Variants in NXPE4 observed in about 807,000 individuals in gnomAD.
NXPE4 encodes the protein neurexophilin and PC-esterase domain family member 4.
NXPE4 carries 42 observed loss-of-function variants against 33.3 expected under a neutral mutation model. That is an observed-to-expected ratio of 1.26 (90% confidence interval 0.98 to 1.63). The LOEUF (loss-of-function observed/expected upper bound fraction) is 1.63, where lower values mean the gene tolerates loss of function less well. Ranked by LOEUF, NXPE4 falls within the 40% of genes most tolerant of loss-of-function variation. NXPE4 has a pLI of 0.00. For missense variants in NXPE4, 709 were observed against 647.6 expected (o/e 1.09, Z -1.03); for synonymous variants, 253 against 234.9 (o/e 1.08, Z -0.71).
At chr11:114,628,478 C>A in the NXPE4 span, among the ~76,000 whole-genome samples, 2 of 151,942 alleles carry the variant, frequency 1.3e-5, no homozygotes, top group African/African-American at 2.4e-5. Context: ...CCAATGAGAA[C>A]AAAGACACAA....
At chr11:114,582,233 T>A in intron 3 of NXPE4, 55 bp downstream of exon 3, 1 of 1,515,866 alleles carries the variant, frequency 6.6e-7, no homozygotes, top group Non-Finnish European at 8.8e-7. Context: ...TGGATCAGTA[T>A]ATAGGCCAAA....
At chr11:114,606,426 C>T in the NXPE4 span, among the ~76,000 whole-genome samples, 200 of 151,556 alleles carry the variant, frequency 1.3e-3, 2 homozygotes, top group African/African-American at 4.5e-3. Context: ...AGTATTGCCT[C>T]GTGGGTAACC....
At chr11:114,634,191 A>T in the NXPE4 span, among the ~76,000 whole-genome samples, 1 of 151,360 alleles carries the variant, frequency 6.6e-6, no homozygotes, top group African/African-American at 2.4e-5. Context: ...TGTGGTTTTG[A>T]TTTGCATTTC....
At chr11:114,617,634 A>G in the NXPE4 span, among the ~76,000 whole-genome samples, 3 of 149,608 alleles carry the variant, frequency 2.0e-5, no homozygotes, top group Admixed American at 6.6e-5. Context: ...ACTGTTACCC[A>G]ATGGATAATA....
chr11:114,633,510 T>C, the NXPE4 span, among the ~76,000 whole-genome samples: 1 of 151,192 alleles, frequency 6.6e-6, no homozygotes, highest in East Asian at 1.9e-4. Context: ...ATGTGCACAA[T>C]GTGCAGGTTA....
the NXPE4 span, among the ~76,000 whole-genome samples, chr11:114,668,069 A>G: frequency 6.6e-6 from 1 of 151,812 alleles, no homozygotes; most frequent in Non-Finnish European, 1.5e-5. Context: ...AGGGAGAAGG[A>G]TGTTCAGGAA....
At chr11:114,641,811 G>T in the NXPE4 span, among the ~76,000 whole-genome samples, 2 of 151,986 alleles carry the variant, frequency 1.3e-5, no homozygotes, top group African/African-American at 4.8e-5. Flanking sequence ...AAATGAAAAA[G>T]GGTATATCAC....
At chr11:114,614,849 C>T in the NXPE4 span, among the ~76,000 whole-genome samples, 1 of 151,840 alleles carries the variant, frequency 6.6e-6, no homozygotes, top group Non-Finnish European at 1.5e-5. Context: ...ACAAGTGTTG[C>T]CTTATGGGTT....
At chr11:114,666,364 C>G in the NXPE4 span, among the ~76,000 whole-genome samples, 1 of 152,028 alleles carries the variant, frequency 6.6e-6, no homozygotes, top group Admixed American at 6.6e-5. Context: ...TCCATAATTA[C>G]CCCAATTTGG....
At chr11:114,615,009 T>C in the NXPE4 span, among the ~76,000 whole-genome samples, 1 of 151,230 alleles carries the variant, frequency 6.6e-6, no homozygotes, top group East Asian at 2.0e-4. Context: ...TTATAATAAG[T>C]GTTTCCTCGT....
chr11:114,580,501 T>G (rs1050241968), intron 4 of NXPE4, among the ~76,000 whole-genome samples, 163 bp from the exon 5 acceptor site: 19 of 152,188 alleles, frequency 1.2e-4, no homozygotes, highest in Non-Finnish European at 2.5e-4. Flanking sequence ...GCTGTTTTTT[T>G]AATAAAAATT....
chr11:114,635,454 A>C, the NXPE4 span, among the ~76,000 whole-genome samples: 1 of 151,614 alleles, frequency 6.6e-6, no homozygotes. Flanking sequence ...AATACCCTTT[A>C]TTTCCTTCTC....
At chr11:114,667,519 C>G in the NXPE4 span, among the ~76,000 whole-genome samples, 3 of 152,112 alleles carry the variant, frequency 2.0e-5, no homozygotes, top group South Asian at 2.1e-4. Flanking sequence ...ATGGATTTGT[C>G]TTGCTTCTAA....
At chr11:114,590,209 C>T in intron 2 of NXPE4, among the ~76,000 whole-genome samples, 1 of 152,214 alleles carries the variant, frequency 6.6e-6, no homozygotes, top group East Asian at 1.9e-4. Context: ...TGTGCCCCAA[C>T]TGAGGAAACC....
the NXPE4 span, among the ~76,000 whole-genome samples, chr11:114,601,216 A>C: frequency 6.6e-6 from 1 of 151,298 alleles, no homozygotes; most frequent in Non-Finnish European, 1.5e-5. Flanking sequence ...TTTACCCAAT[A>C]AGTAATTTTT....
At chr11:114,673,528 C>CA in the NXPE4 span, among the ~76,000 whole-genome samples, 1 of 149,984 alleles carries the variant, frequency 6.7e-6, no homozygotes, top group Non-Finnish European at 1.5e-5. Flanking sequence ...TCATTGAAAC[C>CA]AAAAAAAAGT....
chr11:114,585,055 G>T (rs1202749174), intron 2 of NXPE4, among the ~76,000 whole-genome samples: 1 of 151,970 alleles, frequency 6.6e-6, no homozygotes, highest in Non-Finnish European at 1.5e-5. Flanking sequence ...GGGGTGTCTG[G>T]GTCTTCAAGG....
chr11:114,633,845 A>G, the NXPE4 span, among the ~76,000 whole-genome samples: 11 of 152,010 alleles, frequency 7.2e-5, no homozygotes, highest in African/African-American at 2.4e-4. Flanking sequence ...GTGCCACATT[A>G]TCTTAATCCA....
At chr11:114,579,060 C>T (rs1159683984) in intron 5 of NXPE4, among the ~76,000 whole-genome samples, 1 of 152,134 alleles carries the variant, frequency 6.6e-6, no homozygotes, top group Admixed American at 6.5e-5. Flanking sequence ...GCTTATTTGG[C>T]TGATGGTTCT....
Sources: allele counts gnomAD v4.1 joint callset (sites outside exome capture counted in the v4.1 genomes callset), GRCh38; gene constraint gnomAD v4.1.1; transcripts MANE v1.5; gene names NCBI Gene and HGNC (gene_info 2026-07-23, HGNC 2026-07-21).